SNTA1: variants seen among roughly 807,000 people sequenced by gnomAD.
SNTA1 encodes syntrophin alpha 1.
Under a neutral mutation model 47.1 loss-of-function variants are expected in SNTA1, and 31 were observed. That is an observed-to-expected ratio of 0.66 (90% CI 0.49 to 0.89). The LOEUF (loss-of-function observed/expected upper bound fraction) is 0.89, where lower values mean the gene tolerates loss of function less well. Among genes scored for constraint, SNTA1 ranks in the 40% least tolerant of loss-of-function variants. The pLI is 0.00. For synonymous variants in SNTA1, 300 were observed against 313.6 expected, an observed-to-expected ratio of 0.96 and a Z score of 0.46; for missense variants, 575 against 693.0, an observed-to-expected ratio of 0.83 and a Z score of 1.91.
intron 2 of SNTA1, among the ~76,000 whole-genome samples, chr20:33,426,107 AT>A (rs141588480): frequency 0.016 from 2,415 of 151,834 alleles, 52 homozygotes; most frequent in African/African-American, 0.054. Flanking sequence ...TTAAAAAAAA[AT>A]AAAAGTAAAA....
intron 2 of SNTA1, among the ~76,000 whole-genome samples, chr20:33,436,758 C>G (rs1252024527): frequency 6.7e-6 from 1 of 149,770 alleles, no homozygotes; most frequent in Admixed American, 6.7e-5. Flanking sequence ...GTCAGGAGTT[C>G]GAGACCAGCC....
At chr20:33,424,617 G>A (rs1318530735) in intron 2 of SNTA1, among the ~76,000 whole-genome samples, 4 of 152,016 alleles carry the variant, frequency 2.6e-5, no homozygotes, top group East Asian at 2.0e-4. Context: ...AGGCTTAAGC[G>A]ATCCTCCCAC....
chr20:33,408,195 G>A lies in SNTA1; in HGVS notation c.*312C>T. On this transcript the variant is annotated 3_prime_UTR_variant, in exon 8 of 8. Transcript: ENST00000217381. ...GGCCCGGCAGCTCAGCTGTTGGCTG[G>A]GGTCAGGATCCGCACAGGGGCAGGT... The A allele has an allele frequency of 2.4e-6, 1 of 413,572 alleles. No individual in the cohort carries two copies. Among genetic ancestry groups the A allele is most frequent in the Non-Finnish European group, 4.6e-6 (1 of 218,744 alleles). 25.6% of individuals were successfully genotyped at this position (413,572 alleles called of 1,614,324 possible).
At position 33,412,332 on chromosome 20, in the gene SNTA1, C is replaced by T. The variant is rs1425754256; in HGVS notation, c.1004G>A (p.Ser335Asn). The change falls in exon 5 of 8, where the codon AGC becomes AAC. Residue 335 changes from serine to asparagine, a missense_variant. Transcript: ENST00000217381. The part of the protein sequence containing the change: ...LSLPETREAL[S>N]RPARTAPLIA... ...GAGTGGGGCAGTACGGGCTGGCCGG[C>T]TCAGGGCCTCGCGGGTCTCGGGGAG... The T allele has an allele frequency of 6.2e-7, 1 of 1,612,128 alleles. No homozygotes were observed. The highest frequency in any genetic ancestry group is 1.3e-5 in the African/African-American group (1 of 74,994).
chr20:33,438,423 A>T (rs2146807323), intron 2 of SNTA1, among the ~76,000 whole-genome samples: 1 of 152,272 alleles, frequency 6.6e-6, no homozygotes, highest in Middle Eastern at 3.4e-3. Flanking sequence ...ACAGGAAAGA[A>T]TCTGACCTGC....
chr20:33,434,244 A>G (rs1990379108), intron 2 of SNTA1, among the ~76,000 whole-genome samples: 1 of 152,134 alleles, frequency 6.6e-6, no homozygotes, highest in Non-Finnish European at 1.5e-5. Flanking sequence ...CTCAAGGACC[A>G]GCCACAGCCC....
rs146134721 is a variant in SNTA1, at chr20:33,408,749, G to A, written c.1377C>T (p.Asp459=). 6.6e-5 allele frequency: 107 copies of A among 1,614,166 alleles called. 1 individual carries two copies. In the East Asian group the frequency reaches 7.8e-4, roughly 12 times the overall value. The part of the protein sequence containing the change: ...PFEKLQMSSD[D]GASLLFLDFG... ...AATCCAGGAAAAGGAGACTGGCACC[G>A]TCATCTGAAGACATCTGCAGCTTCT... The change falls in exon 7 of 8, where the codon GAC becomes GAT. Residue 459 remains aspartate (D), a synonymous_variant. Coordinates refer to ENST00000217381, the MANE Select transcript of SNTA1 (RefSeq NM_003098.3).
intron 2 of SNTA1, among the ~76,000 whole-genome samples, chr20:33,435,317 G>A (rs1163391046): frequency 6.7e-6 from 1 of 150,332 alleles, no homozygotes; most frequent in African/African-American, 2.4e-5. Flanking sequence ...GTTTCTGTAG[G>A]CCAGGCATGG....
rs939061268 is a variant in SNTA1, at chr20:33,408,960, C to T, written c.1238-72G>A. Reference sequence around the variant, plus strand: ...CTACACCCCAACCTCCAACCCCCACCGCAGCTTACAAAGTGGGGCCTGAAT... The same window carrying T: ...CTACACCCCAACCTCCAACCCCCACTGCAGCTTACAAAGTGGGGCCTGAAT... On this transcript the variant is annotated intron_variant, in intron 6 of 7. Coordinates refer to ENST00000217381, the MANE Select transcript of SNTA1 (RefSeq NM_003098.3). 2.8e-5 allele frequency: 39 copies of T among 1,383,634 alleles called. No homozygotes were observed. The Admixed American group carries it at 4.0e-4, about 14-fold the overall frequency. The allele number at this position is 1,383,634 out of a possible 1,614,324, so 85.7% of individuals were successfully genotyped here. A position where few individuals can be genotyped will look rare whatever the true frequency, so the allele number is the denominator to read the frequency against.
intron 2 of SNTA1, among the ~76,000 whole-genome samples, chr20:33,428,006 C>T (rs943417627): frequency 6.6e-6 from 1 of 151,994 alleles, no homozygotes; most frequent in Non-Finnish European, 1.5e-5. Flanking sequence ...TGCACTCCGG[C>T]CTCGAATTCC....
intron 2 of SNTA1, among the ~76,000 whole-genome samples, chr20:33,423,368 C>T (rs1432301934): frequency 6.6e-6 from 1 of 152,224 alleles, no homozygotes; most frequent in Non-Finnish European, 1.5e-5. Flanking sequence ...CCCGACAAGG[C>T]AGGGTGGGGC....
intron 2 of SNTA1, among the ~76,000 whole-genome samples, chr20:33,431,594 A>C (rs1990309653): frequency 6.6e-6 from 1 of 151,718 alleles, no homozygotes; most frequent in Non-Finnish European, 1.5e-5. Context: ...CTAAAAATAC[A>C]AAAAATTAGC....
rs139537086 is a variant in SNTA1, at chr20:33,417,801, G to A, written c.619C>T (p.Arg207Trp). The change falls in exon 3 of 8, where the codon CGG (arginine) becomes TGG (tryptophan). Residue 207 changes from arginine to tryptophan, a missense_variant. By Grantham distance (101) the Arg-to-Trp change is moderately radical. Transcript: ENST00000217381. ...RQPSSPGPTPRNFSEAKHMSL... is the reference protein window; with the variant it reads ...RQPSSPGPTPWNFSEAKHMSL... ...ATGTGTTTGGCCTCGCTGAAGTTCCGGGGTGTGGGGCCAGGGGAGGAAGGC... is the reference window on the plus strand; with the variant it reads ...ATGTGTTTGGCCTCGCTGAAGTTCCAGGGTGTGGGGCCAGGGGAGGAAGGC... 9.9e-5 allele frequency: 160 copies of A among 1,614,044 alleles called. No individual in the cohort carries two copies. The African/African-American group carries it at 1.4e-3, about 14-fold the overall frequency.
intron 2 of SNTA1, among the ~76,000 whole-genome samples, chr20:33,429,939 C>CT (rs1172416927): frequency 6.6e-6 from 1 of 151,916 alleles, no homozygotes; most frequent in African/African-American, 2.4e-5. Flanking sequence ...ATTTTTGTAA[C>CT]TTTTTTTTGG....
At chr20:33,416,352 C>A (rs1989874543) in intron 3 of SNTA1, among the ~76,000 whole-genome samples, 1 of 152,240 alleles carries the variant, frequency 6.6e-6, no homozygotes, top group Admixed American at 6.5e-5. Flanking sequence ...TCCAACAATG[C>A]ATATCCCACT....
At chr20:33,410,084 G>C (rs987333931) in intron 6 of SNTA1, 51 bp downstream of exon 6, 2 of 1,588,858 alleles carry the variant, frequency 1.3e-6, no homozygotes, top group Admixed American at 1.7e-5. Context: ...AATGCCCCTG[G>C]GGATAAGAGG....
intron 5 of SNTA1, among the ~76,000 whole-genome samples, chr20:33,411,171 G>A (rs925225046): frequency 5.9e-5 from 9 of 151,568 alleles, no homozygotes; most frequent in South Asian, 2.1e-4. Flanking sequence ...AGTTCCCCCC[G>A]CCACAGACTG....
At chr20:33,423,176 C>A (rs1426444037) in intron 2 of SNTA1, among the ~76,000 whole-genome samples, 1 of 152,220 alleles carries the variant, frequency 6.6e-6, no homozygotes, top group East Asian at 1.9e-4. Flanking sequence ...GGGTCCCCCT[C>A]CTTTCCCACA....
rs750525497 is a variant in SNTA1, at chr20:33,412,621, G to T, written c.863C>A (p.Thr288Lys). 79 of 1,613,834 alleles carry T rather than the reference G, an allele frequency of 4.9e-5. No homozygotes were observed. In the Admixed American group the frequency reaches 1.3e-3, roughly 27 times the overall value. Residue 288 changes from threonine (T) to lysine (K), a missense_variant, in exon 4 of 8, where the codon ACA becomes AAA. Physicochemically the swap from Thr to Lys is moderately conservative, Grantham distance 78. Transcript: ENST00000217381. ...CTGCTTGATGTCCTGGCTCCCAGCTGTGCTGGTGGCTGCCAACAGTGCCTG... is the reference window on the plus strand; with the variant it reads ...CTGCTTGATGTCCTGGCTCCCAGCTTTGCTGGTGGCTGCCAACAGTGCCTG... Reference protein sequence around the residue: ...ELQALLAATSTAGSQDIKQIG... With the variant: ...ELQALLAATSKAGSQDIKQIG...
Sources: gnomAD v4.1 joint callset for allele counts (sites outside exome capture counted in the v4.1 genomes callset) on GRCh38, gnomAD v4.1.1 for gene constraint, MANE v1.5 for transcripts, NCBI Gene and HGNC (gene_info 2026-07-23, HGNC 2026-07-21) for gene names.